The following ERICH6 variants were observed in gnomAD, a reference collection of about 807,000 sequenced individuals.
ERICH6 encodes glutamate rich 6.
A neutral mutation model predicts 71.0 loss-of-function variants in ERICH6; 71 were observed. That is an observed-to-expected ratio of 1.00 (90% CI 0.83 to 1.22). The LOEUF (loss-of-function observed/expected upper bound fraction) is 1.22, where lower values mean the gene tolerates loss of function less well. Ranked by LOEUF, ERICH6 falls within the 50% of genes most tolerant of loss-of-function variation. The pLI is 0.00. For missense variants in ERICH6, 808 were observed against 797.2 expected (o/e 1.01, Z -0.16); for synonymous variants, 262 against 278.4 (o/e 0.94, Z 0.59).
intron 11 of ERICH6, among the ~76,000 whole-genome samples, chr3:150,673,471 A>G (rs150001184): frequency 6.6e-6 from 1 of 151,152 alleles, no homozygotes; most frequent in East Asian, 2.0e-4. Context: ...TTATAAGCGT[A>G]AGCCACCACA....
rs764870982 is a variant in ERICH6 at position 150,702,145 on chromosome 3, T to C, written c.437A>G (p.Asp146Gly). ...CCTATCTATACTCATTTCAGACATGTCTTTCCTAAATGTCTGAAATATTTT... is the reference window on the plus strand; with the variant it reads ...CCTATCTATACTCATTTCAGACATGCCTTTCCTAAATGTCTGAAATATTTT... ...FPKIFQTFRK[D>G]MSEMSIDRNI... Residue 146 changes from aspartate (D) to glycine (G), a missense_variant, in exon 2 of 14, where the codon GAC becomes GGC. Asp to Gly is a moderately conservative substitution (Grantham distance 94). Transcript: ENST00000295910. The C allele has an allele frequency of 6.3e-7, 1 of 1,581,306 alleles. No homozygotes were observed. The highest frequency in any genetic ancestry group is 8.6e-7 in the Non-Finnish European group (1 of 1,159,112).
chr3:150,702,014 TA>T, intron 2 of ERICH6, 106 bp downstream of exon 2: 1 of 774,438 alleles, frequency 1.3e-6, no homozygotes, highest in Non-Finnish European at 2.1e-6. Flanking sequence ...TTAAAATAAG[TA>T]AGTCACAAAT....
chr3:150,660,108 A>C lies in ERICH6; in HGVS notation c.1776T>G (p.Asp592Glu). The change falls in exon 14 of 14, where the codon GAT becomes GAG. Residue 592 changes from aspartate to glutamate, a missense_variant. Physicochemically the swap from Asp to Glu is conservative, Grantham distance 45 (BLOSUM62 2). Transcript: ENST00000295910. The part of the protein sequence containing the change: ...EIPILRYVSG[D>E]DLLLLASLIK... ...TTAAACTGGCCAGCAGAAGAAGGTC[A>C]TCTCCACTTACGTATCGGAGGATTG... 1 of 1,614,108 alleles carries C rather than the reference A, an allele frequency of 6.2e-7. No individual in the cohort carries two copies. Among genetic ancestry groups the C allele is most frequent in the Non-Finnish European group, 8.5e-7 (1 of 1,180,006 alleles).
Position 150,673,965 on chromosome 3 carries a change from G to A in ERICH6, c.1334C>T (p.Thr445Ile). The change falls in exon 11 of 14, where the codon ACA becomes ATA. Residue 445 changes from threonine to isoleucine, a missense_variant. Thr to Ile is a moderately conservative substitution (Grantham distance 89, BLOSUM62 -1). Coordinates refer to ENST00000295910, the MANE Select transcript of ERICH6 (RefSeq NM_152394.5). ...TGTTGAAAGAGGATACAATATTTGT[G>A]TTGTCCCATCTGGAAATGAAGTCAG... ...KFLTSFPDGT[T>I]QIFYPSGNLA... The A allele has an allele frequency of 6.2e-7, 1 of 1,613,692 alleles. No individual in the cohort carries two copies. Among genetic ancestry groups the A allele is most frequent in the Non-Finnish European group, 8.5e-7 (1 of 1,179,740 alleles).
intron 11 of ERICH6, among the ~76,000 whole-genome samples, chr3:150,673,196 C>CTCTT (rs767270388): frequency 4.7e-5 from 7 of 148,862 alleles, no homozygotes; most frequent in Non-Finnish European, 1.0e-4. Flanking sequence ...TCTTTCCTCT[C>CTCTT]TCTTTCTTTC....
intron 12 of ERICH6, among the ~76,000 whole-genome samples, chr3:150,668,358 C>G (rs1012362310): frequency 6.6e-6 from 1 of 152,100 alleles, no homozygotes; most frequent in Admixed American, 6.6e-5. Flanking sequence ...CAGGGTGCCT[C>G]GGAGTTCAGT....
At chr3:150,701,916 A>C (rs1712882887) in intron 2 of ERICH6, among the ~76,000 whole-genome samples, 1 of 152,150 alleles carries the variant, frequency 6.6e-6, no homozygotes, top group Non-Finnish European at 1.5e-5. Flanking sequence ...TGGACATGTA[A>C]TCTCTAGAGC....
chr3:150,696,248 T>G (rs567048921), intron 3 of ERICH6, among the ~76,000 whole-genome samples: 11 of 92,528 alleles, frequency 1.2e-4, no homozygotes, highest in Non-Finnish European at 2.9e-4. Flanking sequence ...GAGACAAAAT[T>G]TGGGGGAAAA....
At chr3:150,680,317 C>T in intron 9 of ERICH6, 151 bp downstream of exon 9, 1 of 722,158 alleles carries the variant, frequency 1.4e-6, no homozygotes, top group Non-Finnish European at 2.3e-6. Context: ...ATTCTCCCAC[C>T]TTGGCTTCCC....
At chr3:150,700,241 A>ATTTTTTTTTTTTTTTTTTTT (rs34624356) in intron 2 of ERICH6, among the ~76,000 whole-genome samples, 4 of 110,970 alleles carry the variant, frequency 3.6e-5, no homozygotes, top group Non-Finnish European at 5.2e-5. Context: ...TGCCCGGCTA[A>ATTTTTTTTTTTTTTTTTTTT]TTTTTTTTTT....
intron 3 of ERICH6, among the ~76,000 whole-genome samples, chr3:150,695,418 G>A (rs1712618484): frequency 1.3e-5 from 2 of 152,076 alleles, no homozygotes; most frequent in African/African-American, 2.4e-5. Context: ...TTGGGAGGCC[G>A]AGGCGGGCAG....
Position 150,682,226 on chromosome 3 carries a change from T to G in ERICH6, c.874A>C (p.Lys292Gln). Residue 292 changes from lysine (K) to glutamine (Q), a missense_variant, in exon 7 of 14, where the codon AAA becomes CAA. By Grantham distance (53) the Lys-to-Gln change is moderately conservative. Coordinates refer to ENST00000295910, the MANE Select transcript of ERICH6 (RefSeq NM_152394.5). ...FSNVDVSSEP[K>Q]GHASCCIAFQ... ...CCTGACTTAGAACTTACATGCCCTT[T>G]TGGTTCAGAGGAAACATCCACATTA... 3.1e-6 allele frequency: 5 copies of G among 1,613,658 alleles called. No individual in the cohort carries two copies. Among genetic ancestry groups the G allele is most frequent in the Non-Finnish European group, 4.2e-6 (5 of 1,179,740 alleles).
At chr3:150,700,852 G>A (rs1361438557) in intron 2 of ERICH6, among the ~76,000 whole-genome samples, 2 of 152,182 alleles carry the variant, frequency 1.3e-5, no homozygotes, top group African/African-American at 2.4e-5. Context: ...AAAGTGCTGG[G>A]ATTACAGGTG....
intron 12 of ERICH6, among the ~76,000 whole-genome samples, chr3:150,669,048 G>C: frequency 6.6e-6 from 1 of 152,010 alleles, no homozygotes; most frequent in East Asian, 1.9e-4. Context: ...TAATTATATA[G>C]TTCATATATT....
chr3:150,680,163 GC>G (rs561938127), intron 9 of ERICH6, among the ~76,000 whole-genome samples: 70 of 152,320 alleles, frequency 4.6e-4, no homozygotes, highest in African/African-American at 1.7e-3. Context: ...GGAAACACTA[GC>G]TTTTCTGGGC....
intron 13 of ERICH6, among the ~76,000 whole-genome samples, chr3:150,666,424 A>G (rs1478270622): frequency 6.6e-6 from 1 of 152,226 alleles, no homozygotes; most frequent in Non-Finnish European, 1.5e-5. Flanking sequence ...GGTCTTGAAC[A>G]TGATTCAAAC....
intron 13 of ERICH6, 49 bp from the exon 14 acceptor site, chr3:150,660,204 C>A: frequency 1.3e-6 from 2 of 1,587,250 alleles, no homozygotes; most frequent in South Asian, 1.2e-5. Context: ...AGAAGTGGAA[C>A]TGGGGAGGTG....
chr3:150,696,591 C>A (rs1305982946), intron 3 of ERICH6, among the ~76,000 whole-genome samples: 2 of 152,016 alleles, frequency 1.3e-5, no homozygotes, highest in East Asian at 3.9e-4. Flanking sequence ...AAAGAAAAGA[C>A]AACTCAATGG....
intron 3 of ERICH6, among the ~76,000 whole-genome samples, chr3:150,697,408 G>A (rs1444861853): frequency 6.6e-6 from 1 of 152,206 alleles, no homozygotes; most frequent in Non-Finnish European, 1.5e-5. Context: ...GGACTGTGGA[G>A]TATGATTCCA....
Sources: gnomAD v4.1 joint callset for allele counts (sites outside exome capture counted in the v4.1 genomes callset) on GRCh38, gnomAD v4.1.1 for gene constraint, MANE v1.5 for transcripts, NCBI Gene and HGNC (gene_info 2026-07-23, HGNC 2026-07-21) for gene names.